PTPRT: variants seen among roughly 807,000 people sequenced by gnomAD.
The protein encoded by PTPRT is receptor-type tyrosine-protein phosphatase T.
Under a neutral mutation model 176.8 loss-of-function variants are expected in PTPRT, and 56 were observed. The observed-to-expected ratio is 0.32, with a 90% CI of 0.26 to 0.40. The LOEUF (loss-of-function observed/expected upper bound fraction) is 0.40. Ranked by LOEUF, PTPRT falls within the 10% of genes least tolerant of loss-of-function variation. The pLI is 1.00. For synonymous variants in PTPRT, 783 were observed against 739.0 expected (o/e 1.06, Z -0.96); for missense variants, 1,540 against 1,908.2 (o/e 0.81, Z 3.60).
In PTPRT at chr20:42,186,893, T is replaced by C. The variant is rs548704328; in HGVS notation, c.2491+12347A>G. On this transcript the variant is annotated intron_variant, in intron 16 of 30. Coordinates refer to ENST00000373187, the MANE Select transcript of PTPRT (RefSeq NM_007050.6). ...ATCGAAGATGTAGACTCATCAAAACTTGGTGTTGAACTCGATGTGGGAGGT... is the reference window on the plus strand; with the variant it reads ...ATCGAAGATGTAGACTCATCAAAACCTGGTGTTGAACTCGATGTGGGAGGT... 2.6e-5 allele frequency among the ~76,000 whole-genome samples: 4 copies of C among 152,196 alleles called. No homozygotes were observed. In the South Asian group the frequency reaches 8.3e-4, roughly 32 times the overall value.
intron 7 of PTPRT, among the ~76,000 whole-genome samples, chr20:42,643,673 C>G (rs1421833163): frequency 6.6e-6 from 1 of 152,040 alleles, no homozygotes; most frequent in African/African-American, 2.4e-5. Flanking sequence ...CTTACCCAAG[C>G]TTACAGTTAG....
intron 7 of PTPRT, among the ~76,000 whole-genome samples, chr20:42,592,036 G>T (rs2073586488): frequency 7.1e-6 from 1 of 141,472 alleles, no homozygotes; most frequent in Non-Finnish European, 1.5e-5. Context: ...CTGGAGTGCA[G>T]TGGCACGATC....
At chr20:42,676,313 T>G (rs1393341725) in intron 7 of PTPRT, among the ~76,000 whole-genome samples, 1 of 152,214 alleles carries the variant, frequency 6.6e-6, no homozygotes, top group South Asian at 2.1e-4. Flanking sequence ...GGTTTTCATT[T>G]CGTAACTTGA....
At chr20:42,655,786 A>G (rs772523881) in intron 7 of PTPRT, among the ~76,000 whole-genome samples, 2 of 152,194 alleles carry the variant, frequency 1.3e-5, no homozygotes, top group Non-Finnish European at 2.9e-5. Context: ...GTAGCTATTT[A>G]CCAAATAGGA....
intron 16 of PTPRT, among the ~76,000 whole-genome samples, chr20:42,184,518 C>CTTCTTCTTCTTCTTCTT (rs1555797923): frequency 3.7e-5 from 2 of 54,398 alleles, no homozygotes; most frequent in Non-Finnish European, 9.2e-5. Context: ...TCCTCCTCCT[C>CTTCTTCTTCTTCTTCTT]CTTCTTCTTC....
chr20:42,594,620 C>T (rs1265950005), intron 7 of PTPRT, among the ~76,000 whole-genome samples: 1 of 152,098 alleles, frequency 6.6e-6, no homozygotes, highest in African/African-American at 2.4e-5. Flanking sequence ...GTATTTAATG[C>T]CAATTTATTT....
At chr20:42,940,146 T>A (rs1186378717) in intron 1 of PTPRT, among the ~76,000 whole-genome samples, 1 of 152,224 alleles carries the variant, frequency 6.6e-6, no homozygotes, top group Non-Finnish European at 1.5e-5. Flanking sequence ...CTCGAAGTCA[T>A]TAAAGTACCT....
intron 7 of PTPRT, among the ~76,000 whole-genome samples, chr20:42,491,395 A>C (rs868173515): frequency 2.9e-4 from 44 of 152,154 alleles, no homozygotes; most frequent in African/African-American, 1.0e-3. Context: ...ACATTTTTAA[A>C]AGTTATGAAT....
chr20:42,809,599 T>G (rs2077664705), intron 2 of PTPRT, among the ~76,000 whole-genome samples: 1 of 152,102 alleles, frequency 6.6e-6, no homozygotes, highest in Admixed American at 6.5e-5. Context: ...GAAATCAAGG[T>G]GGGTCGGCAG....
intron 5 of PTPRT, among the ~76,000 whole-genome samples, chr20:42,770,001 C>T (rs1441856196): frequency 6.6e-6 from 1 of 152,276 alleles, no homozygotes; most frequent in Non-Finnish European, 1.5e-5. Flanking sequence ...GGGGACGGAA[C>T]TTTGGACGCC....
chr20:43,182,478 CCACCTGGGTTCAAG>C (rs1392914450), intron 1 of PTPRT, among the ~76,000 whole-genome samples: 11 of 152,116 alleles, frequency 7.2e-5, no homozygotes, highest in Non-Finnish European at 1.5e-4. Context: ...GCAACCTCCA[CCACCTGGGTTCAAG>C]CGATTCTCAT....
chr20:42,946,854 G>C (rs1980911665), intron 1 of PTPRT, among the ~76,000 whole-genome samples: 2 of 152,254 alleles, frequency 1.3e-5, no homozygotes, highest in South Asian at 4.1e-4. Context: ...GGGTTGTCCT[G>C]TGAATTTTAG....
chr20:42,390,672 G>T (rs560416002), intron 9 of PTPRT, among the ~76,000 whole-genome samples: 2 of 152,168 alleles, frequency 1.3e-5, no homozygotes, highest in African/African-American at 2.4e-5. Flanking sequence ...TATTGGAAGT[G>T]GATCCCCCAG....
chr20:42,542,539 G>T (rs960433699), intron 7 of PTPRT, among the ~76,000 whole-genome samples: 4 of 152,138 alleles, frequency 2.6e-5, no homozygotes, highest in Non-Finnish European at 5.9e-5. Flanking sequence ...GGATGTAGAG[G>T]AAACAAGCAC....
intron 1 of PTPRT, among the ~76,000 whole-genome samples, chr20:42,962,795 C>T (rs899219830): frequency 2.0e-5 from 3 of 152,156 alleles, no homozygotes; most frequent in Non-Finnish European, 2.9e-5. Context: ...AGGCCAGGCG[C>T]GGTGGCTCAC....
At chr20:42,744,433 C>A (rs1302726730) in intron 6 of PTPRT, among the ~76,000 whole-genome samples, 2 of 152,300 alleles carry the variant, frequency 1.3e-5, no homozygotes, top group Admixed American at 6.5e-5. Context: ...GCTTTCAGAT[C>A]GTACAGAATT....
At chr20:42,049,917 T>C in the PTPRT span, among the ~76,000 whole-genome samples, 1 of 152,204 alleles carries the variant, frequency 6.6e-6, no homozygotes, top group Admixed American at 6.5e-5. Context: ...ATGCTCCCCA[T>C]ATAGTGCTCC....
intron 9 of PTPRT, among the ~76,000 whole-genome samples, chr20:42,381,450 C>T (rs1410351831): frequency 1.3e-5 from 2 of 152,176 alleles, no homozygotes; most frequent in Non-Finnish European, 2.9e-5. Flanking sequence ...TGTGTGACTG[C>T]TCCCTGTTGA....
In PTPRT at chr20:42,106,892, A is replaced by G. The variant is rs1986499526; in HGVS notation, c.3284T>C (p.Ile1095Thr). Reference protein sequence around the residue: ...SAGAGRTGCFIAIDTMLDMAE... With the variant: ...SAGAGRTGCFTAIDTMLDMAE... ...CATGTCAAGCATGGTGTCAATGGCA[A>G]TGAAGCAGCCAGTCCGCCCAGCCCC... Residue 1095 changes from isoleucine to threonine, a missense_variant, in exon 24 of 31, where the codon ATT becomes ACT. By Grantham distance (89) the Ile-to-Thr change is moderately conservative (BLOSUM62 -1). Transcript: ENST00000373187. 2 of 1,614,132 alleles carry G rather than the reference A, an allele frequency of 1.2e-6. No individual in the cohort carries two copies. The highest frequency in any genetic ancestry group is 1.7e-6 in the Non-Finnish European group (2 of 1,180,002).
Sources: gnomAD v4.1 joint callset for allele counts (sites outside exome capture counted in the v4.1 genomes callset) on GRCh38, gnomAD v4.1.1 for gene constraint, MANE v1.5 for transcripts, NCBI Gene and HGNC (gene_info 2026-07-23, HGNC 2026-07-21) for gene names.